Variants in DAB1 observed in about 807,000 individuals in gnomAD.
DAB1 encodes the protein disabled homolog 1.
In DAB1, 15 loss-of-function variants were observed where a neutral mutation model predicts 64.6. That is an observed-to-expected ratio of 0.23 (90% CI 0.16 to 0.36). DAB1 has a LOEUF of 0.36. Ranked by LOEUF, DAB1 falls within the 10% of genes least tolerant of loss-of-function variation. The pLI, the probability that DAB1 is intolerant of heterozygous loss-of-function variation, is 1.00. For synonymous variants in DAB1, 235 were observed against 251.9 expected, an observed-to-expected ratio of 0.93 and a Z score of 0.64; for missense variants, 596 against 706.7, an observed-to-expected ratio of 0.84 and a Z score of 1.78.
chr1:57,146,375 A>T (rs1190560510), intron 2 of DAB1, among the ~76,000 whole-genome samples: 4 of 152,194 alleles, frequency 2.6e-5, no homozygotes, highest in African/African-American at 4.8e-5. Flanking sequence ...TTGGTTCTTA[A>T]AACCTGGAGT....
intron 6 of DAB1, among the ~76,000 whole-genome samples, chr1:57,714,772 T>C (rs1647066047): frequency 6.6e-6 from 1 of 152,128 alleles, no homozygotes; most frequent in East Asian, 1.9e-4. Context: ...AGGGCCCTTG[T>C]AGGGTGTAAG....
intron 5 of DAB1, among the ~76,000 whole-genome samples, chr1:57,998,348 G>T (rs546414298): frequency 2.2e-4 from 33 of 151,576 alleles, no homozygotes; most frequent in African/African-American, 7.7e-4. Context: ...GATGTCACTG[G>T]GTAATCACTT....
intron 4 of DAB1, among the ~76,000 whole-genome samples, chr1:58,175,592 T>A (rs1395626931): frequency 2.0e-5 from 3 of 152,244 alleles, no homozygotes; most frequent in African/African-American, 7.2e-5. Flanking sequence ...TCTTTTTGCA[T>A]GCTTATTAAC....
At chr1:57,956,234 T>C (rs1392397718) in intron 5 of DAB1, among the ~76,000 whole-genome samples, 1 of 152,056 alleles carries the variant, frequency 6.6e-6, no homozygotes, top group Non-Finnish European at 1.5e-5. Context: ...GAGAGACTAA[T>C]TATAAAGGTG....
Position 57,011,179 on chromosome 1 carries a change from A to G in DAB1, c.1538T>C (p.Phe513Ser). 2 of 1,614,082 alleles carry G rather than the reference A, an allele frequency of 1.2e-6. No homozygotes were observed. The highest frequency in any genetic ancestry group is 1.7e-6 in the Non-Finnish European group (2 of 1,179,928). ...CTCTTCGCTTTTGCTGGGACTTTCA[A>G]AGCCCTCTTCAAAGATGTCATCTGT... Reference protein sequence around the residue: ...PTTDDIFEEGFESPSKSEEQE... With the variant: ...PTTDDIFEEGSESPSKSEEQE... The change falls in exon 13 of 15, where the codon TTT becomes TCT. Residue 513 changes from phenylalanine (F) to serine (S), a missense_variant. Around this residue, in one of 3 missense-constraint regions of DAB1, gnomAD observed 377 missense variants for 400.4 expected, o/e 0.94. Transcript: ENST00000371236.
intron 5 of DAB1, among the ~76,000 whole-genome samples, chr1:58,060,517 C>T (rs1053922265): frequency 3.9e-5 from 6 of 152,186 alleles, no homozygotes; most frequent in Non-Finnish European, 4.4e-5. Flanking sequence ...TGGTGAAAGC[C>T]ACCTCACAGG....
intron 1 of DAB1, among the ~76,000 whole-genome samples, chr1:57,831,537 CTT>C (rs5774372): frequency 0.026 from 2,891 of 112,254 alleles, 55 homozygotes; most frequent in East Asian, 0.13. Flanking sequence ...ATTTTCTTCT[CTT>C]TTTTTTTTTT....
At chr1:57,808,750 T>C (rs1234255336) in intron 6 of DAB1, among the ~76,000 whole-genome samples, 1 of 152,214 alleles carries the variant, frequency 6.6e-6, no homozygotes, top group Non-Finnish European at 1.5e-5. Context: ...TTCAAAATGC[T>C]TTCACATGCG....
chr1:57,381,881 T>C (rs1461473536), intron 1 of DAB1, among the ~76,000 whole-genome samples: 1 of 152,186 alleles, frequency 6.6e-6, no homozygotes, highest in Non-Finnish European at 1.5e-5. Context: ...CAGACAGAGA[T>C]AGCCCCTGGT....
intron 7 of DAB1, among the ~76,000 whole-genome samples, chr1:57,432,095 C>G (rs1685538698): frequency 1.3e-5 from 2 of 148,928 alleles, no homozygotes; most frequent in African/African-American, 5.0e-5. Context: ...GCACTCCATC[C>G]TGGGCAACAA....
At chr1:57,889,268 C>T (rs1644271547) in intron 5 of DAB1, among the ~76,000 whole-genome samples, 1 of 152,218 alleles carries the variant, frequency 6.6e-6, no homozygotes, top group African/African-American at 2.4e-5. Flanking sequence ...TGGGCATGAT[C>T]ATCAGTGAGT....
At chr1:57,138,090 C>A (rs558622294) in intron 3 of DAB1, among the ~76,000 whole-genome samples, 2 of 152,200 alleles carry the variant, frequency 1.3e-5, no homozygotes, top group African/African-American at 4.8e-5. Context: ...AAATTAATTT[C>A]TTCTAGAAAA....
intron 1 of DAB1, chr1:58,539,303 T>C (rs200094957): frequency 1.7e-5 from 14 of 817,010 alleles, no homozygotes; most frequent in African/African-American, 1.7e-4. Flanking sequence ...ATTTTTTCAC[T>C]TGACTACCTG....
chr1:57,517,032 T>C (rs1644471124), intron 7 of DAB1, among the ~76,000 whole-genome samples: 1 of 152,218 alleles, frequency 6.6e-6, no homozygotes. Context: ...ACAAGTTTGA[T>C]ATATTATTAT....
At chr1:57,569,603 G>T (rs1372946180) in intron 7 of DAB1, among the ~76,000 whole-genome samples, 1 of 151,986 alleles carries the variant, frequency 6.6e-6, no homozygotes, top group East Asian at 1.9e-4. Context: ...GTTGTGTGGT[G>T]GGGGTAGGGG....
At chr1:57,086,812 C>T (rs1220883877) in intron 4 of DAB1, among the ~76,000 whole-genome samples, 2 of 152,120 alleles carry the variant, frequency 1.3e-5, no homozygotes, top group African/African-American at 2.4e-5. Flanking sequence ...GTTTTCCTAA[C>T]TAATAGCATA....
chr1:57,320,188 C>A (rs1261619138), intron 1 of DAB1, among the ~76,000 whole-genome samples: 2 of 152,288 alleles, frequency 1.3e-5, no homozygotes, highest in Non-Finnish European at 1.5e-5. Flanking sequence ...GGGGTGCCAG[C>A]AAGGTCCCAG....
intron 5 of DAB1, among the ~76,000 whole-genome samples, chr1:58,136,368 G>A (rs753675464): frequency 6.6e-6 from 1 of 152,080 alleles, no homozygotes; most frequent in Non-Finnish European, 1.5e-5. Context: ...ATTTTCATAT[G>A]TCCCCCACGC....
chr1:57,218,056 A>C (rs1482366818), intron 2 of DAB1, among the ~76,000 whole-genome samples: 1 of 152,182 alleles, frequency 6.6e-6, no homozygotes, highest in Admixed American at 6.5e-5. Context: ...CAAGTACCAA[A>C]ATACTGCATT....
Sources: gnomAD v4.1 joint callset for allele counts (sites outside exome capture counted in the v4.1 genomes callset) on GRCh38, gnomAD v4.1.1 for gene constraint, gnomAD v4.1.1 regional missense constraint, MANE v1.5 for transcripts, NCBI Gene and HGNC (gene_info 2026-07-23, HGNC 2026-07-21) for gene names.